The following CCDC180 variants were observed in gnomAD, a reference collection of about 807,000 sequenced individuals.
CCDC180 encodes coiled-coil domain containing 180.
A neutral mutation model predicts 209.2 loss-of-function variants in CCDC180; 154 were observed. The ratio of observed to expected loss-of-function variants is 0.74; its 90% CI spans 0.65 to 0.84. The LOEUF (loss-of-function observed/expected upper bound fraction) is 0.84. Ranked by LOEUF, CCDC180 falls within the 40% of genes least tolerant of loss-of-function variation. CCDC180 has a pLI of 0.00. For synonymous variants in CCDC180, 778 were observed against 749.1 expected, an observed-to-expected ratio of 1.04 and a Z score of -0.63; for missense variants, 1,874 against 1,997.3, an observed-to-expected ratio of 0.94 and a Z score of 1.18.
intron 18 of CCDC180, among the ~76,000 whole-genome samples, chr9:97,341,682 A>G (rs1826082749): frequency 6.6e-6 from 1 of 152,136 alleles, no homozygotes; most frequent in South Asian, 2.1e-4. Context: ...GAGCTCAAAC[A>G]CTGTGCTGGG....
chr9:97,371,017 G>A (rs1587837527), intron 33 of CCDC180: 1 of 214,212 alleles, frequency 4.7e-6, no homozygotes, highest in Admixed American at 8.3e-5. Context: ...ACTGCGGACT[G>A]CAGTGGCGCA....
chr9:97,314,589 C>A, intron 6 of CCDC180, 29 bp from the exon 7 acceptor site: 2 of 1,613,864 alleles, frequency 1.2e-6, no homozygotes, highest in South Asian at 2.2e-5. Flanking sequence ...CCCACCGGCT[C>A]CTAGCCTGAC....
At chr9:97,352,728 G>A (rs183455696) in intron 22 of CCDC180, among the ~76,000 whole-genome samples, 33 of 152,100 alleles carry the variant, frequency 2.2e-4, no homozygotes, top group Admixed American at 2.0e-3. Flanking sequence ...GGAAAGTAGC[G>A]AAAACTAGAA....
Position 97,366,345 on chromosome 9 carries a change from C to G in CCDC180, c.4048-214C>G, listed in dbSNP as rs1022712069. Among the ~76,000 whole-genome samples the G allele has an allele frequency of 4.6e-5, 7 of 152,158 alleles. No homozygotes were observed. The highest frequency in any genetic ancestry group is 8.8e-5 in the Non-Finnish European group (6 of 68,026). ...TGCCAGTCACTCATTCAGGAAATAA[C>G]GAGGGCTGGCCATGGCTCCACTCAC... On this transcript the variant is annotated intron_variant, in intron 30 of 36. Coordinates refer to ENST00000529487, the MANE Select transcript of CCDC180 (RefSeq NM_020893.6). The surrounding 1 kb of genome is among the most constrained non-coding windows in gnomAD (Gnocchi z 4.3).
Position 97,354,556 on chromosome 9 carries a change from T to A in CCDC180, c.3003-13T>A. The A allele has an allele frequency of 6.2e-7, 1 of 1,613,900 alleles. No homozygotes were observed. Among genetic ancestry groups the A allele is most frequent in the Non-Finnish European group, 8.5e-7 (1 of 1,179,800 alleles). The stretch of plus-strand genomic sequence containing the variant: ...CTGATCTGTGGCTTTTATTTGTCTT[T>A]GATTATTTTCAGATTGTTTTCAGAG... On this transcript the variant is annotated splice_polypyrimidine_tract_variant and intron_variant, in intron 22 of 36. Coordinates refer to ENST00000529487, the MANE Select transcript of CCDC180 (RefSeq NM_020893.6).
chr9:97,347,851 T>C (rs754395051), intron 20 of CCDC180, among the ~76,000 whole-genome samples: 2 of 151,822 alleles, frequency 1.3e-5, no homozygotes, highest in African/African-American at 2.4e-5. Context: ...GCTCAGGGAG[T>C]TGAAGCTCTC....
At position 97,357,703 on chromosome 9, in the gene CCDC180, A is replaced by G. The variant is rs1826621728; in HGVS notation, c.3341A>G (p.Gln1114Arg). 1.9e-6 allele frequency: 3 copies of G among 1,612,914 alleles called. No individual in the cohort carries two copies. The highest frequency in any genetic ancestry group is 1.1e-5 in the South Asian group (1 of 90,798). The change falls in exon 25 of 37, where the codon CAA becomes CGA. Residue 1114 changes from glutamine to arginine, a missense_variant. Physicochemically the swap from Gln to Arg is conservative, Grantham distance 43. Transcript: ENST00000529487. ...QQLQNKIKTC[Q>R]ESRGEKTTVT... ...CTTCAGAACAAGATAAAAACTTGTC[A>G]AGAGTCCAGGGGAGAGAAAACCGTA...
intron 29 of CCDC180, 143 bp downstream of exon 29, chr9:97,364,271 C>T (rs1465292739): frequency 1.5e-6 from 1 of 671,722 alleles, no homozygotes; most frequent in Non-Finnish European, 2.5e-6. Context: ...ATAGCAAGGT[C>T]AAGGTCAGTT....
chr9:97,327,500 A>C (rs1315936632), intron 15 of CCDC180, among the ~76,000 whole-genome samples: 1 of 152,194 alleles, frequency 6.6e-6, no homozygotes, highest in Non-Finnish European at 1.5e-5. Flanking sequence ...TATGACAAGC[A>C]GTTCTCTGTG....
chr9:97,340,863 A>G (rs557757171), intron 18 of CCDC180, among the ~76,000 whole-genome samples: 1 of 152,268 alleles, frequency 6.6e-6, no homozygotes, highest in South Asian at 2.1e-4. Context: ...GGAGGGCCTG[A>G]CATTAGTCAG....
rs1248949140 is a variant in CCDC180, at chr9:97,370,680, C to G, written c.4390C>G (p.Pro1464Ala). The change falls in exon 33 of 37, where the codon CCC (proline) becomes GCC (alanine). Residue 1464 changes from proline to alanine, a missense_variant. Transcript: ENST00000529487. ...GAAGCTCCATCTAAATCTTGGACAC[C>G]CCGTACATTTCCAAGAAATGGAGTC... ...AQKLHLNLGH[P>A]VHFQEMESLH... 6.2e-7 allele frequency: 1 copy of G among 1,613,826 alleles called. No individual in the cohort carries two copies. The highest frequency in any genetic ancestry group is 1.3e-5 in the African/African-American group (1 of 74,860).
chr9:97,360,685 C>T (rs999336173), intron 26 of CCDC180, among the ~76,000 whole-genome samples: 2 of 152,182 alleles, frequency 1.3e-5, no homozygotes, highest in Admixed American at 1.3e-4. Flanking sequence ...AGATGTCACT[C>T]CCCACCAAGC....
chr9:97,365,825 A>G, intron 30 of CCDC180, 86 bp downstream of exon 30: 1 of 1,202,738 alleles, frequency 8.3e-7, no homozygotes, highest in Non-Finnish European at 1.2e-6. Flanking sequence ...CTTGGGGGAA[A>G]ATGAGGAAGA....
chr9:97,317,082 G>C lies in CCDC180; in HGVS notation c.813G>C (p.Leu271=). ...GACCACAGGTCATGAACTATGCCCT[G>C]CTGGGCAACCGGAAGGCTCTCGCCC... The part of the protein sequence containing the change: ...NEEAMVMNYA[L]LGNRKALAQL... Residue 271 remains leucine, a synonymous_variant, in exon 9 of 37, where the codon CTG becomes CTC. Transcript: ENST00000529487. 4 of 1,612,698 alleles carry C rather than the reference G, an allele frequency of 2.5e-6. No individual in the cohort carries two copies. Among genetic ancestry groups the C allele is most frequent in the Non-Finnish European group, 2.5e-6 (3 of 1,179,250 alleles).
intron 24 of CCDC180, among the ~76,000 whole-genome samples, chr9:97,355,344 T>C (rs1826548479): frequency 6.6e-6 from 1 of 151,986 alleles, no homozygotes; most frequent in Non-Finnish European, 1.5e-5. Flanking sequence ...TTTGTAGAGA[T>C]GGGGTCTCCC....
rs184844600 is a variant in CCDC180, at chr9:97,307,841, T to A, written c.-82+35T>A. 120 of 1,612,958 alleles carry A rather than the reference T, an allele frequency of 7.4e-5. No individual in the cohort carries two copies. The African/African-American group carries it at 1.1e-3, about 15-fold the overall frequency. ...ATCGTTTCGTTGAAAGTTAAAACCC[T>A]AAGTCGACGTTCCCCAGCCGCCTAC... On this transcript the variant is annotated intron_variant, in intron 1 of 36. Transcript: ENST00000529487.
intron 18 of CCDC180, among the ~76,000 whole-genome samples, chr9:97,335,655 T>C (rs1825882657): frequency 6.6e-6 from 1 of 152,220 alleles, no homozygotes; most frequent in Admixed American, 6.5e-5. Context: ...CATGTGTCTT[T>C]ATAGTAGCAT....
rs1826620059 is a variant in CCDC180, at chr9:97,357,670, T to C, written c.3308T>C (p.Leu1103Pro). The C allele has an allele frequency of 6.2e-7, 1 of 1,613,660 alleles. No homozygotes were observed. Among genetic ancestry groups the C allele is most frequent in the Non-Finnish European group, 8.5e-7 (1 of 1,179,914 alleles). ...CAAACAAATGGATTAAATTTCTCTC[T>C]GCAACAGCTTCAGAACAAGATAAAA... ...NSQTNGLNFS[L>P]QQLQNKIKTC... The change falls in exon 25 of 37, where the codon CTG becomes CCG. Residue 1103 changes from leucine (L) to proline (P), a missense_variant. Coordinates refer to ENST00000529487, the MANE Select transcript of CCDC180 (RefSeq NM_020893.6).
At chr9:97,376,352 C>A (rs1827258818) in intron 36 of CCDC180, 1 of 161,384 alleles carries the variant, frequency 6.2e-6, no homozygotes, top group South Asian at 1.7e-4. Context: ...CCCTCCAAGC[C>A]CCAGGCAGAG....
Sources: gnomAD v4.1 joint callset for allele counts (sites outside exome capture counted in the v4.1 genomes callset) on GRCh38, gnomAD v4.1.1 for gene constraint, Gnocchi (gnomAD v3.1) non-coding constraint, MANE v1.5 for transcripts, NCBI Gene and HGNC (gene_info 2026-07-23, HGNC 2026-07-21) for gene names.